The following NCAM2 variants were observed in gnomAD, a reference collection of about 807,000 sequenced individuals.
The protein encoded by NCAM2 is N-CAM-2.
A neutral mutation model predicts 98.1 loss-of-function variants in NCAM2; 30 were observed. The observed-to-expected ratio is 0.31, with a 90% confidence interval of 0.23 to 0.41. The LOEUF is 0.41. Ranked by LOEUF, NCAM2 falls within the 10% of genes least tolerant of loss-of-function variation. The pLI is 1.00. For missense variants in NCAM2, 867 were observed against 1,005.8 expected (o/e 0.86, Z 1.87); for synonymous variants, 368 against 342.4 (o/e 1.07, Z -0.83).
chr21:21,343,825 C>G (rs1171110839), intron 8 of NCAM2, among the ~76,000 whole-genome samples: 1 of 152,142 alleles, frequency 6.6e-6, no homozygotes, highest in Non-Finnish European at 1.5e-5. Context: ...AGGACTGCAA[C>G]TCTTAGGAGA....
intron 15 of NCAM2, among the ~76,000 whole-genome samples, chr21:21,484,114 C>G (rs1986134793): frequency 6.6e-6 from 1 of 152,024 alleles, no homozygotes; most frequent in Non-Finnish European, 1.5e-5. Flanking sequence ...ACATTTTCAA[C>G]TTATAAATGA....
At chr21:21,142,452 C>T (rs1276193133) in intron 1 of NCAM2, among the ~76,000 whole-genome samples, 5 of 145,368 alleles carry the variant, frequency 3.4e-5, no homozygotes, top group Non-Finnish European at 5.9e-5. Flanking sequence ...AATCTCGGCT[C>T]ACTGCAAGCT....
In NCAM2 at chr21:21,508,808, CTTTTTTTT is replaced by C. The variant is rs764097299; in HGVS notation, c.2078-18_2078-11del. 5.4e-3 allele frequency: 2,214 copies of C among 412,890 alleles called. 14 individuals carry two copies. Among genetic ancestry groups the C allele is most frequent in the East Asian group, 0.017 (313 of 18,686 alleles). 25.6% of individuals were successfully genotyped at this position (412,890 alleles called of 1,614,324 possible). A position where few individuals can be genotyped will look rare whatever the true frequency, so the allele number is the denominator to read the frequency against. ...ATTTAGAGGTTTAATACTTTTTTTC[CTTTTTTTT>C]TTTTTTTTTTTTTTTTTTTTTTTTA... On this transcript the variant is annotated intron_variant, in intron 15 of 17. Transcript: ENST00000400546.
At chr21:21,193,737 G>A (rs535498490) in intron 1 of NCAM2, among the ~76,000 whole-genome samples, 4 of 151,892 alleles carry the variant, frequency 2.6e-5, no homozygotes, top group Non-Finnish European at 4.4e-5. Flanking sequence ...CTCATGATCC[G>A]CCCACCTCGG....
At chr21:21,172,164 G>A (rs1032277513) in intron 1 of NCAM2, among the ~76,000 whole-genome samples, 1 of 150,514 alleles carries the variant, frequency 6.6e-6, no homozygotes, top group African/African-American at 2.4e-5. Flanking sequence ...ATTGTTTTCT[G>A]ACAGAGGAAT....
chr21:21,302,657 G>C (rs1170835969), intron 5 of NCAM2, among the ~76,000 whole-genome samples: 2 of 152,094 alleles, frequency 1.3e-5, no homozygotes, highest in Non-Finnish European at 2.9e-5. Context: ...TGTTGGAAAT[G>C]TAAGTCAGTT....
intron 1 of NCAM2, among the ~76,000 whole-genome samples, chr21:21,193,219 A>C (rs1383341471): frequency 6.6e-6 from 1 of 152,180 alleles, no homozygotes; most frequent in Non-Finnish European, 1.5e-5. Flanking sequence ...GATTACAGTT[A>C]AATGAATGAA....
chr21:21,081,249 A>C (rs2065791574), intron 1 of NCAM2, among the ~76,000 whole-genome samples: 1 of 152,172 alleles, frequency 6.6e-6, no homozygotes, highest in South Asian at 2.1e-4. Flanking sequence ...TTCTTAATGC[A>C]CATGCTGGAG....
intron 12 of NCAM2, among the ~76,000 whole-genome samples, chr21:21,462,799 G>A (rs904377713): frequency 5.9e-5 from 9 of 152,080 alleles, no homozygotes; most frequent in East Asian, 3.9e-4. Flanking sequence ...TTCTGTTGCC[G>A]TGTTAAAGAA....
chr21:21,315,234 C>A (rs1189753433), intron 5 of NCAM2, among the ~76,000 whole-genome samples: 1 of 152,084 alleles, frequency 6.6e-6, no homozygotes, highest in Non-Finnish European at 1.5e-5. Context: ...TGGAGGTTTA[C>A]CTTTTAGTTA....
intron 1 of NCAM2, among the ~76,000 whole-genome samples, chr21:21,249,489 T>C (rs1378391582): frequency 6.6e-6 from 1 of 152,114 alleles, no homozygotes; most frequent in Non-Finnish European, 1.5e-5. Context: ...CATCTTCAGG[T>C]TTATTATAAA....
chr21:21,313,151 G>A (rs973654897), intron 5 of NCAM2, among the ~76,000 whole-genome samples: 18 of 151,564 alleles, frequency 1.2e-4, no homozygotes, highest in African/African-American at 4.4e-4. Flanking sequence ...TTTAATCATT[G>A]TATTCTTATT....
rs912498712 is a variant in NCAM2, at chr21:21,539,054, A to T, written c.*1097A>T. ...AAAAGAGTAAATGATAAATAATTAAATGCCACTATGTGTTCTATTCCGGAT... is the reference window on the plus strand; with the variant it reads ...AAAAGAGTAAATGATAAATAATTAATTGCCACTATGTGTTCTATTCCGGAT... On this transcript the variant is annotated 3_prime_UTR_variant, in exon 18 of 18. Transcript: ENST00000400546. 2 of 152,218 alleles carry T rather than the reference A, an allele frequency of 1.3e-5. No individual in the cohort carries two copies. Among genetic ancestry groups the T allele is most frequent in the Non-Finnish European group, 2.9e-5 (2 of 68,028 alleles). The allele number at this position is 152,218 out of a possible 1,614,324, so 9.4% of individuals were successfully genotyped here.
chr21:21,056,523 T>TGTGTGC (rs1555877351), intron 1 of NCAM2, among the ~76,000 whole-genome samples: 71 of 145,284 alleles, frequency 4.9e-4, no homozygotes, highest in Admixed American at 1.1e-3. Flanking sequence ...TGTGTGTGTG[T>TGTGTGC]GCATGAGAGA....
chr21:21,189,911 G>C (rs1451160895), intron 1 of NCAM2, among the ~76,000 whole-genome samples: 1 of 152,190 alleles, frequency 6.6e-6, no homozygotes, highest in African/African-American at 2.4e-5. Flanking sequence ...TCAGAGCAAT[G>C]CCGTCAAGTG....
chr21:21,000,640 C>T (rs2064002707), intron 1 of NCAM2, among the ~76,000 whole-genome samples: 1 of 152,102 alleles, frequency 6.6e-6, no homozygotes, highest in African/African-American at 2.4e-5. Context: ...TAGAAGGAGA[C>T]CATCATTGTA....
At chr21:21,436,735 A>G (rs1227482050) in intron 12 of NCAM2, among the ~76,000 whole-genome samples, 2 of 151,250 alleles carry the variant, frequency 1.3e-5, no homozygotes, top group Admixed American at 6.6e-5. Context: ...TCCCCTTCCA[A>G]TAAGTATGTG....
rs547350268 is a variant in NCAM2, at chr21:21,080,703, A to G, written c.55+82085A>G. The stretch of plus-strand genomic sequence containing the variant: ...AAACCAACATTGATTCATACCCCTA[A>G]CATTTATTACTCTCTAAATTATTGT... On this transcript the variant is annotated intron_variant, in intron 1 of 17. Coordinates refer to ENST00000400546, the MANE Select transcript of NCAM2 (RefSeq NM_004540.5). Among the ~76,000 whole-genome samples, 9 of 149,996 alleles carry G rather than the reference A, an allele frequency of 6.0e-5. No homozygotes were observed. In the East Asian group the frequency reaches 9.8e-4, roughly 16 times the overall value.
chr21:21,444,634 A>G (rs1028053897), intron 12 of NCAM2, among the ~76,000 whole-genome samples: 1 of 152,144 alleles, frequency 6.6e-6, no homozygotes, highest in Non-Finnish European at 1.5e-5. Context: ...AGGTGTTTAT[A>G]GTATTCTCTG....
Sources: gnomAD v4.1 joint callset for allele counts (sites outside exome capture counted in the v4.1 genomes callset) on GRCh38, gnomAD v4.1.1 for gene constraint, MANE v1.5 for transcripts, NCBI Gene and HGNC (gene_info 2026-07-23, HGNC 2026-07-21) for gene names.